Variants in SYNJ2 observed in about 807,000 individuals in gnomAD.
SYNJ2 encodes the protein polyphosphatidylinositol phosphatase SYNJ2.
In SYNJ2, 116 loss-of-function variants were observed where a neutral mutation model predicts 141.3. That is an observed-to-expected ratio of 0.82 (90% CI 0.71 to 0.96). The LOEUF (loss-of-function observed/expected upper bound fraction) is 0.96, where lower values mean the gene tolerates loss of function less well. Ranked by LOEUF, SYNJ2 falls within the 40% of genes least tolerant of loss-of-function variation. The probability of loss-of-function intolerance (pLI) is 0.00; values close to 1 mark genes in which losing one functional copy is unlikely to be tolerated. For synonymous variants in SYNJ2, 745 were observed against 777.7 expected (o/e 0.96, Z 0.70); for missense variants, 1,873 against 1,934.8 (o/e 0.97, Z 0.60).
intron 3 of SYNJ2, among the ~76,000 whole-genome samples, chr6:158,032,424 A>G (rs951464798): frequency 2.6e-5 from 4 of 152,356 alleles, no homozygotes; most frequent in African/African-American, 9.6e-5. Context: ...GCATCTCCTG[A>G]TGATGGGTCC....
chr6:158,025,979 G>GCATGCATACATA (rs1554235783), intron 2 of SYNJ2, among the ~76,000 whole-genome samples: 8 of 133,834 alleles, frequency 6.0e-5, no homozygotes, highest in African/African-American at 8.4e-5. Flanking sequence ...AATAATACAT[G>GCATGCATACATA]CATACATACA....
rs140851618 is a variant in SYNJ2, at chr6:158,083,631, G to A, written c.3034+34G>A. On this transcript the variant is annotated intron_variant, in intron 21 of 26. Coordinates refer to ENST00000355585, the MANE Select transcript of SYNJ2 (RefSeq NM_003898.4). ...CCCTGCAGGGAGGGACAGGCAAGCC[G>A]TTCTTCTAGCAACAGGCCTGAGCTT... 8.4e-5 allele frequency: 135 copies of A among 1,612,332 alleles called. No homozygotes were observed. The Admixed American group carries it at 1.9e-3, about 22-fold the overall frequency.
chr6:157,987,153 AT>A (rs751682818), intron 1 of SYNJ2, among the ~76,000 whole-genome samples: 4 of 151,640 alleles, frequency 2.6e-5, no homozygotes, highest in Non-Finnish European at 4.4e-5. Context: ...TGCCCGGCTA[AT>A]TTTTGTATTT....
Position 158,097,994 on chromosome 6 carries a change from TAAAC to T in SYNJ2, c.*1632_*1635del, listed in dbSNP as rs1249215670. The T allele has an allele frequency of 2.6e-5, 4 of 152,144 alleles. No individual in the cohort carries two copies. The highest frequency in any genetic ancestry group is 2.6e-4 in the Admixed American group (4 of 15,272). 9.4% of individuals were successfully genotyped at this position (152,144 alleles called of 1,614,324 possible). On this transcript the variant is annotated 3_prime_UTR_variant, in exon 27 of 27. Coordinates refer to ENST00000355585, the MANE Select transcript of SYNJ2 (RefSeq NM_003898.4). ...TTACCTCTGTAACAAACACAAGAAA[TAAAC>T]AGAATGGTCCTTAACAGAGTTTGGG...
At chr6:158,053,706 C>A (rs1780694835) in intron 5 of SYNJ2, among the ~76,000 whole-genome samples, 1 of 151,482 alleles carries the variant, frequency 6.6e-6, no homozygotes, top group African/African-American at 2.4e-5. Context: ...TCCATCCAGT[C>A]ATCCACCCAT....
At chr6:158,029,082 G>A in intron 3 of SYNJ2, 56 bp downstream of exon 3, 1 of 1,576,964 alleles carries the variant, frequency 6.3e-7, no homozygotes, top group Non-Finnish European at 8.6e-7. Context: ...CAGAGGGTGG[G>A]CCCTGGTTGG....
chr6:158,059,608 G>A (rs1363145165), intron 7 of SYNJ2: 12 of 1,150,438 alleles, frequency 1.0e-5, no homozygotes, highest in Non-Finnish European at 1.3e-5. Flanking sequence ...AGGCTGGAGT[G>A]CAGTGGTGCA....
intron 22 of SYNJ2, among the ~76,000 whole-genome samples, chr6:158,085,136 C>T (rs1359820808): frequency 6.6e-6 from 1 of 151,844 alleles, no homozygotes; most frequent in Non-Finnish European, 1.5e-5. Context: ...CCTCCCACCT[C>T]AGCCTCCCAA....
chr6:158,046,238 G>A (rs748678235), intron 5 of SYNJ2, among the ~76,000 whole-genome samples: 1 of 151,888 alleles, frequency 6.6e-6, no homozygotes, highest in Non-Finnish European at 1.5e-5. Context: ...GAGCCATCGC[G>A]CCCGGCCTCC....
chr6:158,039,474 G>C (rs1779820093), intron 4 of SYNJ2, among the ~76,000 whole-genome samples: 1 of 152,218 alleles, frequency 6.6e-6, no homozygotes, highest in South Asian at 2.1e-4. Context: ...CCTGTTTCAG[G>C]TGCCAGTGAT....
chr6:158,015,007 C>G (rs1465601266), intron 1 of SYNJ2, among the ~76,000 whole-genome samples: 2 of 152,288 alleles, frequency 1.3e-5, no homozygotes, highest in African/African-American at 4.8e-5. Context: ...CAAATGTGTC[C>G]TGGAAAACAT....
chr6:158,012,640 A>G (rs1778309086), intron 1 of SYNJ2, among the ~76,000 whole-genome samples: 1 of 152,200 alleles, frequency 6.6e-6, no homozygotes, highest in Non-Finnish European at 1.5e-5. Flanking sequence ...TAAGGTCATG[A>G]GTCTGTGCTG....
chr6:158,064,603 C>T lies in SYNJ2; in HGVS notation c.1212C>T (p.Val404=), dbSNP rs770573348. The T allele has an allele frequency of 2.5e-5, 41 of 1,613,560 alleles. 2 individuals carry two copies. In the Admixed American group the frequency reaches 6.5e-4, roughly 26 times the overall value. The change falls in exon 10 of 27, where the codon GTC becomes GTT. Residue 404 remains valine (V), a splice_region_variant and synonymous_variant. Coordinates refer to ENST00000355585, the MANE Select transcript of SYNJ2 (RefSeq NM_003898.4). The stretch of plus-strand genomic sequence containing the variant: ...AGCCATCCCTTATTCCTCCCCAGGT[C>T]CTGCATCTGCAGCTCAAGACCCTGG... ...NTVQSFIALE[V]LHLQLKTLGL...
At chr6:158,039,171 TTTTG>T (rs1779800122) in intron 4 of SYNJ2, among the ~76,000 whole-genome samples, 1 of 152,246 alleles carries the variant, frequency 6.6e-6, no homozygotes, top group Non-Finnish European at 1.5e-5. Flanking sequence ...CACTGAATAT[TTTTG>T]TTTATGTCAC....
chr6:158,074,749 C>A lies in SYNJ2; in HGVS notation c.2292+11C>A, dbSNP rs759337385. 19 of 1,610,770 alleles carry A rather than the reference C, an allele frequency of 1.2e-5. No individual in the cohort carries two copies. The highest frequency in any genetic ancestry group is 1.6e-5 in the Non-Finnish European group (19 of 1,179,224). On this transcript the variant is annotated intron_variant, in intron 16 of 26. Transcript: ENST00000355585. ...AAATCAAGTGGAAAAGTAAGTTGTG[C>A]TTTAAAAACATTTTTTAGCAGCTGC...
chr6:157,997,862 A>G (rs1777694342), intron 1 of SYNJ2, among the ~76,000 whole-genome samples: 2 of 152,264 alleles, frequency 1.3e-5, no homozygotes, highest in African/African-American at 4.8e-5. Flanking sequence ...GGAGGCTGTC[A>G]GCACAAATCA....
At chr6:158,053,157 A>G (rs963005009) in intron 5 of SYNJ2, among the ~76,000 whole-genome samples, 1 of 152,176 alleles carries the variant, frequency 6.6e-6, no homozygotes, top group Non-Finnish European at 1.5e-5. Flanking sequence ...TGCTACCTAC[A>G]TGATGCTGTA....
intron 1 of SYNJ2, among the ~76,000 whole-genome samples, chr6:158,012,767 C>T (rs1778312734): frequency 6.6e-6 from 1 of 152,128 alleles, no homozygotes; most frequent in African/African-American, 2.4e-5. Context: ...CAGTGGCTTC[C>T]CAGTACTTTT....
intron 1 of SYNJ2, among the ~76,000 whole-genome samples, chr6:157,990,455 A>G (rs906713796): frequency 6.6e-6 from 1 of 151,764 alleles, no homozygotes; most frequent in Non-Finnish European, 1.5e-5. Context: ...CTTCTTCATC[A>G]CAGCTGCTAG....
Sources: gnomAD v4.1 joint callset for allele counts (sites outside exome capture counted in the v4.1 genomes callset) on GRCh38, gnomAD v4.1.1 for gene constraint, MANE v1.5 for transcripts, NCBI Gene and HGNC (gene_info 2026-07-23, HGNC 2026-07-21) for gene names.